RHBDD3: variants seen among roughly 807,000 people sequenced by gnomAD.
RHBDD3 encodes the protein rhomboid domain-containing protein 3.
In RHBDD3, 34 loss-of-function variants were observed where a neutral mutation model predicts 32.3. The ratio of observed to expected loss-of-function variants is 1.05; its 90% CI spans 0.80 to 1.40. The LOEUF (loss-of-function observed/expected upper bound fraction) is 1.40. Among genes scored for constraint, RHBDD3 ranks in the 40% most tolerant of loss-of-function variants. The pLI is 0.00. For synonymous variants in RHBDD3, 249 were observed against 239.1 expected, an observed-to-expected ratio of 1.04 and a Z score of -0.38; for missense variants, 482 against 492.6, an observed-to-expected ratio of 0.98 and a Z score of 0.20.
Position 29,260,562 on chromosome 22 carries a change from G to A in RHBDD3, c.747C>T (p.His249=). 1 of 1,600,464 alleles carries A rather than the reference G, an allele frequency of 6.2e-7. No homozygotes were observed. The highest frequency in any genetic ancestry group is 8.5e-7 in the Non-Finnish European group (1 of 1,176,174). ...PYVASPDLWS[H]WEDSALPPPS... Reference sequence around the variant, plus strand: ...GTGGGGGCAGGGCTGAGTCTTCCCAGTGGGACCAGAGGTCAGGGGAGGCCA... The same window carrying A: ...GTGGGGGCAGGGCTGAGTCTTCCCAATGGGACCAGAGGTCAGGGGAGGCCA... The change falls in exon 6 of 7, where the codon CAC becomes CAT. Residue 249 remains histidine (H), a synonymous_variant. Transcript: ENST00000216085.
In RHBDD3 at chr22:29,267,907, G is replaced by A. The variant is rs916621650; in HGVS notation, c.-354C>T. 2 of 236,248 alleles carry A rather than the reference G, an allele frequency of 8.5e-6. No homozygotes were observed. Among genetic ancestry groups the A allele is most frequent in the Non-Finnish European group, 1.7e-5 (2 of 118,668 alleles). 14.6% of individuals were successfully genotyped at this position (236,248 alleles called of 1,614,324 possible). On this transcript the variant is annotated 5_prime_UTR_variant, in exon 1 of 7. Coordinates refer to ENST00000216085, the MANE Select transcript of RHBDD3 (RefSeq NM_012265.3). ...GCTGGCGCGCCACCCATTCCCCGCG[G>A]CCCGCGGATTAGTCAGCAGTTGTTC...
Position 29,265,485 on chromosome 22 carries a change from AG to A in RHBDD3, c.141del (p.Trp48GlyfsTer7). 6.5e-7 allele frequency: 1 copy of A among 1,530,326 alleles called. No homozygotes were observed. The highest frequency in any genetic ancestry group is 8.7e-7 in the Non-Finnish European group (1 of 1,146,494). 94.8% of individuals were successfully genotyped at this position (1,530,326 alleles called of 1,614,324 possible). On this transcript the variant is annotated frameshift_variant, in exon 3 of 7. Coordinates refer to ENST00000216085, the MANE Select transcript of RHBDD3 (RefSeq NM_012265.3). LOFTEE classifies it high-confidence loss of function. The part of the protein sequence containing the change: ...LVLAPELLLD[P>X]WQVHRLLTHA... ...CCACGTGGCTGGCCCTCACCCTGCC[AG>A]GGGTCCAGCAACAGCTCCGGGGCCA...
rs150786618 is a variant in RHBDD3 at position 29,260,448 on chromosome 22, C to T, written c.861G>A (p.Pro287=). ...TCTGCTCATCCAAGGCCGCCCACAT[C>T]GGAGTCCCTGGGGAGAAGCTGGCCC... ...WAGASFSPGT[P]MWAALDEQML... The change falls in exon 6 of 7, where the codon CCG becomes CCA. Residue 287 remains proline (P), a synonymous_variant. Transcript: ENST00000216085. 92 of 1,611,122 alleles carry T rather than the reference C, an allele frequency of 5.7e-5. No individual in the cohort carries two copies. Among genetic ancestry groups the T allele is most frequent in the African/African-American group, 8.0e-5 (6 of 74,894 alleles).
chr22:29,263,152 C>A (rs1162527455), intron 4 of RHBDD3, among the ~76,000 whole-genome samples: 2 of 152,258 alleles, frequency 1.3e-5, no homozygotes, highest in African/African-American at 2.4e-5. Context: ...TCAAGTGATT[C>A]TCCTGCCTCA....
Position 29,260,039 on chromosome 22 carries a change from G to A in RHBDD3, c.*21C>T, listed in dbSNP as rs1051653303. The A allele has an allele frequency of 1.9e-6, 3 of 1,550,700 alleles. No individual in the cohort carries two copies. Among genetic ancestry groups the A allele is most frequent in the African/African-American group, 2.7e-5 (2 of 73,114 alleles). On this transcript the variant is annotated 3_prime_UTR_variant, in exon 7 of 7. Coordinates refer to ENST00000216085, the MANE Select transcript of RHBDD3 (RefSeq NM_012265.3). ...GCCCTTAGCACCCAAGGGCCTGCCT[G>A]TGCCCCACTCTCTGCCTGGGCTAGG... is the stretch of plus-strand genomic sequence containing the variant.
rs747725733 is a variant in RHBDD3, at chr22:29,260,198, C to T, written c.1023G>A (p.Gln341=). Residue 341 remains glutamine (Q), a synonymous_variant, in exon 7 of 7, where the codon CAG becomes CAA. Coordinates refer to ENST00000216085, the MANE Select transcript of RHBDD3 (RefSeq NM_012265.3). ...CTGTGGCTGCCAGTGCCACCACCGCCTGCTCCGTAGGGAAGCCCATGCGCT... is the reference window on the plus strand; with the variant it reads ...CTGTGGCTGCCAGTGCCACCACCGCTTGCTCCGTAGGGAAGCCCATGCGCT... ...QLERMGFPTE[Q]AVVALAATGR... 1 of 1,596,138 alleles carries T rather than the reference C, an allele frequency of 6.3e-7. No homozygotes were observed. Among genetic ancestry groups the T allele is most frequent in the Non-Finnish European group, 8.5e-7 (1 of 1,171,940 alleles).
At chr22:29,268,122 C>A (rs1370068536), upstream of RHBDD3, 8 of 628,816 alleles carry the variant, frequency 1.3e-5, no homozygotes, top group Non-Finnish European at 2.3e-5. Context: ...TATTTTGGCC[C>A]GAGTGTCACG....
intron 2 of RHBDD3, among the ~76,000 whole-genome samples, chr22:29,266,211 C>T (rs1440599812): frequency 1.3e-5 from 2 of 152,184 alleles, no homozygotes; most frequent in Non-Finnish European, 2.9e-5. Context: ...TGAACCCATC[C>T]ACTGTAAGCC....
In RHBDD3 at chr22:29,264,469, A is replaced by G. The variant is rs970243398; in HGVS notation, c.149-251T>C. On this transcript the variant is annotated intron_variant, in intron 3 of 6. Transcript: ENST00000216085. ...GACGTGCCACTCAGTCTTTTCACTG[A>G]CAACCCGCTACAGAGCACTCACTAT... 8.5e-6 allele frequency: 11 copies of G among 1,292,296 alleles called. No homozygotes were observed. The African/African-American group carries it at 1.7e-4, about 20-fold the overall frequency. 80.1% of individuals were successfully genotyped at this position (1,292,296 alleles called of 1,614,324 possible).
chr22:29,264,347 C>T, intron 3 of RHBDD3, 129 bp from the exon 4 acceptor site: 1 of 1,432,908 alleles, frequency 7.0e-7, no homozygotes, highest in Non-Finnish European at 9.2e-7. Context: ...CCCCAGGAGC[C>T]AGTCTTCCCA....
At chr22:29,261,460 A>G (rs2146513847) in intron 4 of RHBDD3, 1 of 408,040 alleles carries the variant, frequency 2.5e-6, no homozygotes, top group East Asian at 7.2e-5. Context: ...TGGACGTGGC[A>G]GTGCACACCT....
chr22:29,260,427 C>T lies in RHBDD3; in HGVS notation c.882G>A (p.Glu294=), dbSNP rs1569017607. ...CCTGGATGCCCTCCTGCAGCATCTG[C>T]TCATCCAAGGCCGCCCACATCGGAG... ...PGTPMWAALD[E]QMLQEGIQAS... is the part of the protein sequence containing the mutation. Residue 294 remains glutamate, a synonymous_variant, in exon 6 of 7, where the codon GAG becomes GAA. Coordinates refer to ENST00000216085, the MANE Select transcript of RHBDD3 (RefSeq NM_012265.3). 6 of 1,612,250 alleles carry T rather than the reference C, an allele frequency of 3.7e-6. No homozygotes were observed. The South Asian group carries it at 5.5e-5, about 15-fold the overall frequency.
At chr22:29,266,040 G>A (rs1197780700) in intron 2 of RHBDD3, among the ~76,000 whole-genome samples, 4 of 151,958 alleles carry the variant, frequency 2.6e-5, no homozygotes, top group Non-Finnish European at 4.4e-5. Context: ...CCCCTCCCCT[G>A]TTCCCAGCCT....
At chr22:29,266,280 G>C (rs937880682) in intron 2 of RHBDD3, among the ~76,000 whole-genome samples, 5 of 152,174 alleles carry the variant, frequency 3.3e-5, no homozygotes. Context: ...TCCACAGGAA[G>C]GGTACAGTAT....
At position 29,267,952 on chromosome 22, in the gene RHBDD3, C is replaced by A. The variant is rs1353199997; in HGVS notation, c.-399G>T. The A allele has an allele frequency of 1.5e-5, 5 of 323,242 alleles. No individual in the cohort carries two copies. The highest frequency in any genetic ancestry group is 4.1e-5 in the African/African-American group (2 of 49,076). The allele number at this position is 323,242 out of a possible 1,614,324, so 20.0% of individuals were successfully genotyped here. On this transcript the variant is annotated 5_prime_UTR_variant, in exon 1 of 7. Coordinates refer to ENST00000216085, the MANE Select transcript of RHBDD3 (RefSeq NM_012265.3). ...TTGTTCTAGTCCGGGTCCCTTCCCC[C>A]AGCCCTCCCGCCGATCTCCGTCTCC... is the stretch of plus-strand genomic sequence containing the variant.
At chr22:29,262,011 T>A (rs1178432932) in intron 4 of RHBDD3, 1 of 152,184 alleles carries the variant, frequency 6.6e-6, no homozygotes. Flanking sequence ...TTGGCACTCT[T>A]GTCAAAATAA....
At position 29,260,863 on chromosome 22, in the gene RHBDD3, A is replaced by C. The variant is rs1246768020; in HGVS notation, c.534T>G (p.Tyr178Ter). ...CCAGCCACCGGAAGGCCCCAGCTGCATCTGTCTGCCCGGGGCAGGGCGGCC... is the reference window on the plus strand; with the variant it reads ...CCAGCCACCGGAAGGCCCCAGCTGCCTCTGTCTGCCCGGGGCAGGGCGGCC... Reference protein sequence around the residue: ...LLCGLLAGLAYAAGAFRWLEP... With the variant: ...LLCGLLAGLA Residue 178 changes from tyrosine (Y) to a stop codon, truncating the protein, a stop_gained and splice_region_variant, in exon 5 of 7, where the codon TAT (tyrosine) becomes TAG (stop). Transcript: ENST00000216085. LOFTEE classifies it high-confidence loss of function. The C allele has an allele frequency of 6.3e-7, 1 of 1,580,018 alleles. No homozygotes were observed. The highest frequency in any genetic ancestry group is 1.8e-5 in the Admixed American group (1 of 54,988).
intron 4 of RHBDD3, 103 bp from the exon 5 acceptor site, chr22:29,260,967 T>C (rs1271193585): frequency 2.6e-6 from 3 of 1,136,750 alleles, no homozygotes; most frequent in Non-Finnish European, 3.6e-6. Flanking sequence ...TGGCCACCAT[T>C]CCCTCCCGTC....
intron 4 of RHBDD3, among the ~76,000 whole-genome samples, chr22:29,262,616 G>A (rs1226500060): frequency 6.6e-6 from 1 of 152,136 alleles, no homozygotes; most frequent in Non-Finnish European, 1.5e-5. Flanking sequence ...GAATTGTGTG[G>A]GATCTATAAA....
Sources: gnomAD v4.1 joint callset for allele counts (sites outside exome capture counted in the v4.1 genomes callset) on GRCh38, gnomAD v4.1.1 for gene constraint, MANE v1.5 for transcripts, NCBI Gene and HGNC (gene_info 2026-07-23, HGNC 2026-07-21) for gene names.